The following LOXHD1 variants were observed in gnomAD, a reference collection of about 807,000 sequenced individuals.
LOXHD1 encodes the protein lipoxygenase homology domain-containing protein 1.
In LOXHD1, 205 loss-of-function variants were observed where a neutral mutation model predicts 248.2. That is an observed-to-expected ratio of 0.83 (90% CI 0.74 to 0.93). LOXHD1 has a LOEUF of 0.93. Ranked by LOEUF, LOXHD1 falls within the 40% of genes least tolerant of loss-of-function variation. The pLI, the probability that LOXHD1 is intolerant of heterozygous loss-of-function variation, is 0.00. For missense variants in LOXHD1, 2,930 were observed against 2,971.6 expected (o/e 0.99, Z 0.33); for synonymous variants, 1,113 against 1,162.8 (o/e 0.96, Z 0.87).
At chr18:46,631,648 G>A (rs992322001) in intron 4 of LOXHD1, among the ~76,000 whole-genome samples, 13 of 152,308 alleles carry the variant, frequency 8.5e-5, no homozygotes, top group East Asian at 7.7e-4. Context: ...GCCCTGGCAC[G>A]TTTTAACAGA....
rs982915245 is a variant in LOXHD1, at chr18:46,524,542, G to C, written c.4800C>G (p.Ala1600=). 1 of 1,551,576 alleles carries C rather than the reference G, an allele frequency of 6.4e-7. No homozygotes were observed. The highest frequency in any genetic ancestry group is 1.4e-5 in the African/African-American group (1 of 73,034). Residue 1600 remains alanine (A), a synonymous_variant, in exon 31 of 41, where the codon GCC becomes GCG. Coordinates refer to ENST00000642948, the MANE Select transcript of LOXHD1 (RefSeq NM_001384474.1). ...CGACATCGGCCATCTTGGAGCTCAG[G>C]GCGATCTCCCAGAAGTCAGCAGGGC... The part of the protein sequence containing the change: ...CSSPADFWEI[A]LSSKMADVDI...
At chr18:46,539,208 C>A (rs1048244750) in intron 25 of LOXHD1, among the ~76,000 whole-genome samples, 3 of 152,162 alleles carry the variant, frequency 2.0e-5, no homozygotes, top group Non-Finnish European at 4.4e-5. Context: ...TGCCTGTAAT[C>A]CCAGAACTTT....
chr18:46,622,181 C>T (rs543656431), intron 4 of LOXHD1, among the ~76,000 whole-genome samples: 2 of 152,256 alleles, frequency 1.3e-5, no homozygotes, highest in South Asian at 2.1e-4. Flanking sequence ...CTGTAAAGCA[C>T]CAGATAGGAA....
At chr18:46,501,613 A>G (rs1443400841) in intron 37 of LOXHD1, among the ~76,000 whole-genome samples, 2 of 152,254 alleles carry the variant, frequency 1.3e-5, no homozygotes, top group East Asian at 1.9e-4. Flanking sequence ...AGAAACACAC[A>G]TAAAACAAGG....
chr18:46,629,147 A>T lies in LOXHD1; in HGVS notation c.511+10469T>A, dbSNP rs190764250. 1.3e-3 allele frequency among the ~76,000 whole-genome samples: 204 copies of T among 152,116 alleles called. 1 individual carries two copies. The highest frequency in any genetic ancestry group is 4.8e-3 in the African/African-American group (201 of 41,486). On this transcript the variant is annotated intron_variant, in intron 4 of 40. Coordinates refer to ENST00000642948, the MANE Select transcript of LOXHD1 (RefSeq NM_001384474.1). Reference sequence around the variant, plus strand: ...TGGACACTCTAGTAATCCTGAAAAGACTCCAAGAGACCCCCTAGTCCAGGC... The same window carrying T: ...TGGACACTCTAGTAATCCTGAAAAGTCTCCAAGAGACCCCCTAGTCCAGGC...
chr18:46,516,989 T>C (rs897525750), intron 34 of LOXHD1, among the ~76,000 whole-genome samples: 5 of 152,106 alleles, frequency 3.3e-5, no homozygotes, highest in African/African-American at 1.2e-4. Flanking sequence ...TCCAGAAGTA[T>C]TGAGTGCCTA....
intron 1 of LOXHD1, among the ~76,000 whole-genome samples, chr18:46,653,552 T>C (rs1008310637): frequency 7.9e-5 from 12 of 152,252 alleles, no homozygotes; most frequent in African/African-American, 2.9e-4. Context: ...GAACTCCAGA[T>C]GGGAAGACCC....
At chr18:46,529,035 A>C in intron 29 of LOXHD1, 142 bp downstream of exon 29, 1 of 981,334 alleles carries the variant, frequency 1.0e-6, no homozygotes, top group Non-Finnish European at 1.5e-6. Flanking sequence ...TTGCAAGGGA[A>C]GGGCAAGGGC....
intron 12 of LOXHD1, among the ~76,000 whole-genome samples, chr18:46,585,119 CATGAAAGACTG>C (rs1420896000): frequency 6.6e-6 from 1 of 152,082 alleles, no homozygotes; most frequent in African/African-American, 2.4e-5. Context: ...CATAGTTAAT[CATGAAAGACTG>C]GACAGGACAC....
At chr18:46,486,483 T>C (rs1416438867) in intron 38 of LOXHD1, among the ~76,000 whole-genome samples, 3 of 152,080 alleles carry the variant, frequency 2.0e-5, no homozygotes, top group African/African-American at 7.2e-5. Context: ...GAGGAAGAGA[T>C]CCACAGAAAG....
chr18:46,483,531 G>A, intron 40 of LOXHD1, 56 bp downstream of exon 40: 1 of 1,545,056 alleles, frequency 6.5e-7, no homozygotes. Flanking sequence ...GTCCAGCTCA[G>A]TCCCTGCCCC....
chr18:46,542,339 T>C (rs964710772), intron 24 of LOXHD1, among the ~76,000 whole-genome samples: 6 of 152,144 alleles, frequency 3.9e-5, no homozygotes, highest in African/African-American at 1.4e-4. Flanking sequence ...ATGATAGGAA[T>C]GAAGCAATTG....
chr18:46,533,210 C>G lies in LOXHD1; in HGVS notation c.4327G>C (p.Asp1443His). 6.4e-7 allele frequency: 1 copy of G among 1,551,740 alleles called. No individual in the cohort carries two copies. The highest frequency in any genetic ancestry group is 8.7e-7 in the Non-Finnish European group (1 of 1,147,010). ...YDIFTEKYMK[D>H]GSLRQVYKEV... Reference sequence around the variant, plus strand: ...TTGTAGACTTGCCGTAAGGACCCATCTTTCATGTATTTCTCAGTGAAGATG... The same window carrying G: ...TTGTAGACTTGCCGTAAGGACCCATGTTTCATGTATTTCTCAGTGAAGATG... The change falls in exon 28 of 41, where the codon GAT becomes CAT. Residue 1443 changes from aspartate to histidine, a missense_variant. Transcript: ENST00000642948.
intron 1 of LOXHD1, among the ~76,000 whole-genome samples, chr18:46,652,660 C>T (rs2039127162): frequency 6.6e-6 from 1 of 152,198 alleles, no homozygotes; most frequent in South Asian, 2.1e-4. Flanking sequence ...CCAGCAATTC[C>T]ACTTCCAATT....
rs369582137 is a variant in LOXHD1, at chr18:46,654,852, C to T, written c.130+2052G>A. Among the ~76,000 whole-genome samples, 252 of 152,260 alleles carry T rather than the reference C, an allele frequency of 1.7e-3. 1 individual carries two copies. Among genetic ancestry groups the T allele is most frequent in the South Asian group, 0.014 (68 of 4,810 alleles). On this transcript the variant is annotated intron_variant, in intron 1 of 40. Coordinates refer to ENST00000642948, the MANE Select transcript of LOXHD1 (RefSeq NM_001384474.1). ...TCCATGGTTCCCTTAGAAATGTCAG[C>T]GTGGCACCCACCTCCACTTGCTCTT...
intron 25 of LOXHD1, among the ~76,000 whole-genome samples, chr18:46,539,965 A>C (rs1456752213): frequency 6.6e-6 from 1 of 152,146 alleles, no homozygotes; most frequent in Non-Finnish European, 1.5e-5. Flanking sequence ...CATCATAGCT[A>C]CTTTGCTGTA....
intron 3 of LOXHD1, among the ~76,000 whole-genome samples, chr18:46,640,322 C>T (rs941402823): frequency 4.5e-4 from 68 of 152,292 alleles, no homozygotes; most frequent in African/African-American, 1.6e-3. Context: ...GGGGCTCAAC[C>T]GCCTCTCCCA....
intron 16 of LOXHD1, among the ~76,000 whole-genome samples, chr18:46,569,172 C>G (rs1599013544): frequency 6.6e-6 from 1 of 152,150 alleles, no homozygotes; most frequent in Non-Finnish European, 1.5e-5. Context: ...TGAGGCAATG[C>G]CACTAAAAAT....
chr18:46,551,780 T>A (rs531832722), intron 21 of LOXHD1, among the ~76,000 whole-genome samples: 1 of 152,166 alleles, frequency 6.6e-6, no homozygotes, highest in East Asian at 1.9e-4. Context: ...AGAGCCCAGG[T>A]TGACCCAAGG....
Sources: gnomAD v4.1 joint callset for allele counts (sites outside exome capture counted in the v4.1 genomes callset) on GRCh38, gnomAD v4.1.1 for gene constraint, MANE v1.5 for transcripts, NCBI Gene and HGNC (gene_info 2026-07-23, HGNC 2026-07-21) for gene names.